The following VPS13A variants were observed in gnomAD, a reference collection of about 807,000 sequenced individuals.
VPS13A encodes intermembrane lipid transfer protein VPS13A.
In VPS13A, 264 loss-of-function variants were observed where a neutral mutation model predicts 390.9. The ratio of observed to expected loss-of-function variants is 0.68; its 90% CI spans 0.61 to 0.75. The LOEUF (loss-of-function observed/expected upper bound fraction) is 0.75. VPS13A is among the 30% of genes least tolerant of loss of function. The pLI, the probability that VPS13A is intolerant of heterozygous loss-of-function variation, is 0.00. For synonymous variants in VPS13A, 1,231 were observed against 1,227.1 expected, an observed-to-expected ratio of 1.00 and a Z score of -0.07; for missense variants, 3,409 against 3,733.9, an observed-to-expected ratio of 0.91 and a Z score of 2.27.
intron 10 of VPS13A, among the ~76,000 whole-genome samples, chr9:77,214,908 C>A (rs1365291396): frequency 2.0e-5 from 3 of 152,166 alleles, no homozygotes; most frequent in African/African-American, 7.2e-5. Flanking sequence ...GGACTATGGG[C>A]ACACACTGCC....
At chr9:77,178,592 A>G (rs1260589811) in intron 1 of VPS13A, among the ~76,000 whole-genome samples, 1 of 152,200 alleles carries the variant, frequency 6.6e-6, no homozygotes, top group Non-Finnish European at 1.5e-5. Flanking sequence ...GACCTGCAAA[A>G]GACCGGGCTG....
At chr9:77,205,638 C>G (rs1164028717) in intron 4 of VPS13A, among the ~76,000 whole-genome samples, 2 of 151,854 alleles carry the variant, frequency 1.3e-5, no homozygotes, top group African/African-American at 4.8e-5. Flanking sequence ...GTCACCTGGG[C>G]TGGAGTGCAG....
intron 31 of VPS13A, among the ~76,000 whole-genome samples, chr9:77,288,746 A>G (rs12002295): frequency 6.6e-6 from 1 of 152,156 alleles, no homozygotes; most frequent in East Asian, 1.9e-4. Context: ...GCTGGGTTGA[A>G]TGTTCCATTT....
chr9:77,318,232 TA>T lies in VPS13A; in HGVS notation c.4957-2del. ...ATAGACTTATTAATTTTTTTCCATT[TA>T]GGTTTCACCAGTTATTATAAATACT... is the stretch of plus-strand genomic sequence containing the variant. On this transcript the variant is annotated splice_acceptor_variant, in intron 40 of 71. Transcript: ENST00000360280. LOFTEE classifies it high-confidence loss of function. 6.4e-7 allele frequency: 1 copy of T among 1,572,946 alleles called. No homozygotes were observed. Among genetic ancestry groups the T allele is most frequent in the African/African-American group, 1.4e-5 (1 of 73,210 alleles).
intron 1 of VPS13A, among the ~76,000 whole-genome samples, chr9:77,186,391 T>G (rs1589967192): frequency 1.3e-5 from 2 of 152,282 alleles, no homozygotes; most frequent in East Asian, 1.9e-4. Flanking sequence ...AATCTGAGTT[T>G]TTGGTTTAAA....
chr9:77,190,666 C>T (rs996715679), intron 1 of VPS13A, among the ~76,000 whole-genome samples: 1 of 152,178 alleles, frequency 6.6e-6, no homozygotes, highest in Non-Finnish European at 1.5e-5. Context: ...ACCAGCTCTT[C>T]TTTATATGTC....
intron 54 of VPS13A, among the ~76,000 whole-genome samples, chr9:77,354,630 G>C (rs754300967): frequency 6.6e-6 from 1 of 152,090 alleles, no homozygotes; most frequent in South Asian, 2.1e-4. Flanking sequence ...ACATATGAAA[G>C]TGAGAAAGCA....
chr9:77,259,472 C>T (rs1013374243), intron 22 of VPS13A, among the ~76,000 whole-genome samples: 2 of 152,098 alleles, frequency 1.3e-5, no homozygotes, highest in African/African-American at 4.8e-5. Flanking sequence ...AATCAGTGTG[C>T]GTACGTGGAA....
At position 77,321,640 on chromosome 9, in the gene VPS13A, A is replaced by T. The variant is rs1185615113; in HGVS notation, c.5724A>T (p.Val1908=). The change falls in exon 44 of 72, where the codon GTA becomes GTT. Residue 1908 remains valine, a synonymous_variant. Transcript: ENST00000360280. Reference sequence around the variant, plus strand: ...ACATTCCTATGGCAAAATCATATGTATTGAAAAATGGAGAAAGTTTAAGTA... The same window carrying T: ...ACATTCCTATGGCAAAATCATATGTTTTGAAAAATGGAGAAAGTTTAAGTA... The part of the protein sequence containing the change: ...VLNIPMAKSY[V]LKNGESLSMD... 2 of 1,613,302 alleles carry T rather than the reference A, an allele frequency of 1.2e-6. No individual in the cohort carries two copies. Among genetic ancestry groups the T allele is most frequent in the African/African-American group, 2.7e-5 (2 of 74,904 alleles).
chr9:77,374,210 T>A (rs1832949092), intron 67 of VPS13A, among the ~76,000 whole-genome samples: 1 of 152,174 alleles, frequency 6.6e-6, no homozygotes, highest in Non-Finnish European at 1.5e-5. Context: ...GCCTGAAACC[T>A]TGGACAGTAC....
At chr9:77,257,607 T>A (rs1271672295) in intron 22 of VPS13A, among the ~76,000 whole-genome samples, 13 of 152,062 alleles carry the variant, frequency 8.5e-5, no homozygotes, top group Admixed American at 8.5e-4. Context: ...AAATAAATAA[T>A]TAAATAAAAT....
chr9:77,385,118 A>T, intron 68 of VPS13A: 3 of 969,998 alleles, frequency 3.1e-6, no homozygotes, highest in Non-Finnish European at 3.7e-6. Context: ...TAGCCATTTA[A>T]TGTTTTATAT....
intron 10 of VPS13A, 129 bp from the exon 11 acceptor site, chr9:77,219,825 T>C: frequency 1.1e-6 from 1 of 901,200 alleles, no homozygotes; most frequent in Non-Finnish European, 1.8e-6. Context: ...ACCATGGCAG[T>C]GTGAACATCT....
intron 68 of VPS13A, among the ~76,000 whole-genome samples, chr9:77,398,903 A>G (rs936354148): frequency 2.0e-5 from 3 of 150,776 alleles, no homozygotes; most frequent in African/African-American, 4.9e-5. Context: ...CATTCTCAGT[A>G]AACTATCGCA....
At chr9:77,361,501 G>T (rs746851829) in intron 59 of VPS13A, among the ~76,000 whole-genome samples, 3 of 151,946 alleles carry the variant, frequency 2.0e-5, no homozygotes, top group Non-Finnish European at 2.9e-5. Context: ...TGGACGTTTG[G>T]GTTGTTTACA....
Position 77,273,272 on chromosome 9 carries a change from T to C in VPS13A, c.2428-8T>C, listed in dbSNP as rs1289242156. 1 of 1,603,576 alleles carries C rather than the reference T, an allele frequency of 6.2e-7. No homozygotes were observed. Among genetic ancestry groups the C allele is most frequent in the South Asian group, 1.1e-5 (1 of 89,910 alleles). On this transcript the variant is annotated splice_polypyrimidine_tract_variant and splice_region_variant and intron_variant, in intron 23 of 71. Transcript: ENST00000360280. ...GTGCTAATCAACATTGAATTACTTT[T>C]CTTTCAGATTCAAACATCTACTTCT... is the stretch of plus-strand genomic sequence containing the variant.
intron 17 of VPS13A, among the ~76,000 whole-genome samples, chr9:77,231,004 A>AGCC (rs1823799473): frequency 6.6e-6 from 1 of 152,120 alleles, no homozygotes; most frequent in South Asian, 2.1e-4. Context: ...TGATGATATA[A>AGCC]ATGGAATTGT....
At chr9:77,182,136 C>T (rs1254462106) in intron 1 of VPS13A, among the ~76,000 whole-genome samples, 1 of 152,180 alleles carries the variant, frequency 6.6e-6, no homozygotes, top group African/African-American at 2.4e-5. Flanking sequence ...TTCTGTCACC[C>T]GGGTGGGAGT....
rs183386508 is a variant in VPS13A, at chr9:77,196,680, T to G, written c.101-3265T>G. 4.0e-3 allele frequency among the ~76,000 whole-genome samples: 606 copies of G among 152,122 alleles called. 3 individuals are homozygous for G. Among genetic ancestry groups the G allele is most frequent in the Non-Finnish European group, 3.4e-3 (232 of 67,988 alleles). ...AGATTATATTGTTTTGTTTTGTTTT[T>G]TTTTTTAAATGGGGAATAGTATTTC... On this transcript the variant is annotated intron_variant, in intron 1 of 71. Coordinates refer to ENST00000360280, the MANE Select transcript of VPS13A (RefSeq NM_033305.3).
Sources: gnomAD v4.1 joint callset for allele counts (sites outside exome capture counted in the v4.1 genomes callset) on GRCh38, gnomAD v4.1.1 for gene constraint, MANE v1.5 for transcripts, NCBI Gene and HGNC (gene_info 2026-07-23, HGNC 2026-07-21) for gene names.